Variants in BRPF3 observed in about 807,000 individuals in gnomAD.
BRPF3 encodes the protein bromodomain and PHD finger containing 3, also known as bromodomain and PHD finger-containing protein 3.
BRPF3 carries 18 observed loss-of-function variants against 102.0 expected under a neutral mutation model. The ratio of observed to expected loss-of-function variants is 0.18; its 90% CI spans 0.12 to 0.26. The LOEUF (loss-of-function observed/expected upper bound fraction) is 0.26, where lower values mean the gene tolerates loss of function less well. BRPF3 is among the 10% of genes least tolerant of loss of function. The pLI, the probability that BRPF3 is intolerant of heterozygous loss-of-function variation, is 1.00. For synonymous variants in BRPF3, 570 were observed against 614.2 expected, an observed-to-expected ratio of 0.93 and a Z score of 1.06; for missense variants, 1,147 against 1,567.8, an observed-to-expected ratio of 0.73 and a Z score of 4.53.
At chr6:36,222,565 T>C (rs558239451) in intron 10 of BRPF3, among the ~76,000 whole-genome samples, 1 of 152,292 alleles carries the variant, frequency 6.6e-6, no homozygotes, top group African/African-American at 2.4e-5. Flanking sequence ...CTGCTAGCAT[T>C]TTCTTTTATA....
chr6:36,217,170 A>C (rs1250701936), intron 8 of BRPF3, among the ~76,000 whole-genome samples: 1 of 152,228 alleles, frequency 6.6e-6, no homozygotes, highest in African/African-American at 2.4e-5. Flanking sequence ...TCTCTCATAC[A>C]TACTGAATAG....
chr6:36,211,121 C>A, intron 6 of BRPF3, 137 bp from the exon 7 acceptor site: 1 of 990,050 alleles, frequency 1.0e-6, no homozygotes, highest in Non-Finnish European at 1.5e-6. Flanking sequence ...AGGGCCAAGG[C>A]CCACAGTGAC....
In BRPF3 at chr6:36,214,983, T is replaced by A. The variant is rs114979986; in HGVS notation, c.2989+597T>A. ...GATAGACTAGAAAGTACATAGGTCC[T>A]GGAGGTGGGAACATGCCTGCATGTC... is the stretch of plus-strand genomic sequence containing the variant. On this transcript the variant is annotated intron_variant, in intron 8 of 12. Transcript: ENST00000357641. 8.1e-3 allele frequency among the ~76,000 whole-genome samples: 1,222 copies of A among 150,104 alleles called. 15 individuals carry two copies. Among genetic ancestry groups the A allele is most frequent in the African/African-American group, 0.028 (1,119 of 40,570 alleles).
In BRPF3 at chr6:36,196,745, T is replaced by G. The variant is rs1020289308; in HGVS notation, c.-252T>G. On this transcript the variant is annotated 5_prime_UTR_variant, in exon 1 of 13. Coordinates refer to ENST00000357641, the MANE Select transcript of BRPF3 (RefSeq NM_015695.3). ...CCTCCCTCCCCTCGGCCGGGCTCCG[T>G]GGCGGCAGCGGCAGCAGCGGCGGCT... 2.6e-5 allele frequency: 4 copies of G among 152,258 alleles called. No homozygotes were observed. The highest frequency in any genetic ancestry group is 5.8e-5 in the Non-Finnish European group (4 of 68,504). The allele number at this position is 152,258 out of a possible 1,614,324, so 9.4% of individuals were successfully genotyped here.
Position 36,231,138 on chromosome 6 carries a change from C to G in BRPF3, c.*529C>G, listed in dbSNP as rs1261826872. On this transcript the variant is annotated 3_prime_UTR_variant, in exon 13 of 13. Transcript: ENST00000357641. Reference sequence around the variant, plus strand: ...TGCACCCATTGCCCAGTCTTGCTTTCTCTTTCCCATATTCCTTTTCTTTTT... The same window carrying G: ...TGCACCCATTGCCCAGTCTTGCTTTGTCTTTCCCATATTCCTTTTCTTTTT... The G allele has an allele frequency of 6.5e-6, 1 of 153,494 alleles. No individual in the cohort carries two copies. Among genetic ancestry groups the G allele is most frequent in the East Asian group, 1.9e-4 (1 of 5,226 alleles). 9.5% of individuals were successfully genotyped at this position (153,494 alleles called of 1,614,324 possible).
chr6:36,201,465 C>A lies in BRPF3; in HGVS notation c.1143C>A (p.Ala381=). The change falls in exon 2 of 13, where the codon GCC becomes GCA. Residue 381 remains alanine, a synonymous_variant. Coordinates refer to ENST00000357641, the MANE Select transcript of BRPF3 (RefSeq NM_015695.3). This position sits in a 1 kb window ranked among gnomAD's most constrained non-coding sequence, Gnocchi z 5.1. The part of the protein sequence containing the change: ...NGTIFTVRKT[A]YCEAHSPPGA... ...CCATCTTTACAGTGCGCAAGACTGC[C>A]TACTGTGAGGCCCACTCGCCACCAG... 6.2e-7 allele frequency: 1 copy of A among 1,614,196 alleles called. No individual in the cohort carries two copies. Among genetic ancestry groups the A allele is most frequent in the Non-Finnish European group, 8.5e-7 (1 of 1,180,048 alleles).
Position 36,200,781 on chromosome 6 carries a change from G to A in BRPF3, c.459G>A (p.Glu153=). ...KPPEDLDAEV[E]YDMDEEDLAW... ...CTGAAGACCTGGATGCAGAGGTAGAGTATGACATGGATGAGGAGGACCTTG... is the reference window on the plus strand; with the variant it reads ...CTGAAGACCTGGATGCAGAGGTAGAATATGACATGGATGAGGAGGACCTTG... Residue 153 remains glutamate (E), a synonymous_variant, in exon 2 of 13, where the codon GAG becomes GAA. Coordinates refer to ENST00000357641, the MANE Select transcript of BRPF3 (RefSeq NM_015695.3). The surrounding 1 kb of genome is among the most constrained non-coding windows in gnomAD (Gnocchi z 5.3). The A allele has an allele frequency of 1.2e-6, 2 of 1,614,178 alleles. No individual in the cohort carries two copies. The highest frequency in any genetic ancestry group is 8.5e-7 in the Non-Finnish European group (1 of 1,180,030).
chr6:36,203,606 G>C (rs1767796294), intron 2 of BRPF3, among the ~76,000 whole-genome samples: 1 of 152,182 alleles, frequency 6.6e-6, no homozygotes, highest in Admixed American at 6.5e-5. Flanking sequence ...CTGTGGAGAG[G>C]AGCAAGGCCT....
At chr6:36,212,346 T>G (rs984648049) in intron 7 of BRPF3, among the ~76,000 whole-genome samples, 1 of 152,074 alleles carries the variant, frequency 6.6e-6, no homozygotes, top group Middle Eastern at 3.2e-3. Flanking sequence ...AGGCTGGAAG[T>G]TACTTCCAAT....
intron 9 of BRPF3, among the ~76,000 whole-genome samples, chr6:36,218,425 G>T (rs1265346063): frequency 1.3e-5 from 2 of 151,278 alleles, no homozygotes; most frequent in African/African-American, 4.9e-5. Flanking sequence ...TGTGGTGTAG[G>T]TGTATGAAAT....
At chr6:36,229,181 C>A in intron 12 of BRPF3, 125 bp downstream of exon 12, 3 of 1,249,630 alleles carry the variant, frequency 2.4e-6, no homozygotes, top group Non-Finnish European at 3.3e-6. Flanking sequence ...CACTTGCCAG[C>A]AACAGGCCTG....
At position 36,230,644 on chromosome 6, in the gene BRPF3, T is replaced by TCCGCTTGCCCTGCCC. The variant is rs1768908908; in HGVS notation, c.*37_*38insGCTTGCCCTGCCCCC. The TCCGCTTGCCCTGCCC allele has an allele frequency of 1.2e-6, 2 of 1,603,032 alleles. No homozygotes were observed. The highest frequency in any genetic ancestry group is 1.7e-6 in the Non-Finnish European group (2 of 1,172,582). On this transcript the variant is annotated 3_prime_UTR_variant, in exon 13 of 13. Transcript: ENST00000357641. This position sits in a 1 kb window ranked among gnomAD's most constrained non-coding sequence, Gnocchi z 5.4. The stretch of plus-strand genomic sequence containing the variant: ...TGGGCCTGCATCCGCTTGCCCTGCC[T>TCCGCTTGCCCTGCCC]CCATCCCGCAGGGCACAGAGAAGCC...
At chr6:36,221,022 A>G (rs1033340134) in intron 9 of BRPF3, among the ~76,000 whole-genome samples, 4 of 152,166 alleles carry the variant, frequency 2.6e-5, no homozygotes, top group Non-Finnish European at 5.9e-5. Context: ...TAGTGAGAAA[A>G]TTTAAAGTTA....
chr6:36,206,545 T>C (rs1351312015), intron 3 of BRPF3, among the ~76,000 whole-genome samples: 1 of 152,238 alleles, frequency 6.6e-6, no homozygotes, highest in Non-Finnish European at 1.5e-5. Flanking sequence ...CCAGCATCTC[T>C]GTTCTGGCCA....
chr6:36,218,234 A>G (rs1768401265), intron 9 of BRPF3, among the ~76,000 whole-genome samples: 1 of 152,054 alleles, frequency 6.6e-6, no homozygotes, highest in Non-Finnish European at 1.5e-5. Flanking sequence ...TGATGCTTAC[A>G]GGGTTTGTGG....
At chr6:36,213,183 A>G (rs1420999767) in intron 7 of BRPF3, among the ~76,000 whole-genome samples, 1 of 152,230 alleles carries the variant, frequency 6.6e-6, no homozygotes, top group Non-Finnish European at 1.5e-5. Context: ...TAACCTATTT[A>G]TTGATTAAGC....
chr6:36,214,520 A>G, intron 8 of BRPF3, 134 bp downstream of exon 8: 1 of 1,118,724 alleles, frequency 8.9e-7, no homozygotes, highest in Non-Finnish European at 1.2e-6. Context: ...AGGGCACCAT[A>G]GCTCACAGTT....
At chr6:36,207,823 C>T (rs1767959288) in intron 4 of BRPF3, among the ~76,000 whole-genome samples, 1 of 152,206 alleles carries the variant, frequency 6.6e-6, no homozygotes, top group Non-Finnish European at 1.5e-5. Flanking sequence ...AGGGTTCCCA[C>T]TTGACTCTTA....
At position 36,200,591 on chromosome 6, in the gene BRPF3, C is replaced by T. The variant is rs773175488; in HGVS notation, c.269C>T (p.Ser90Phe). ...NSEQPQFPGK[S>F]KKPSSKGKKK... is the part of the protein sequence containing the mutation. Reference sequence around the variant, plus strand: ...GAACAGCCTCAGTTCCCTGGCAAGTCCAAGAAACCCTCATCCAAGGGCAAA... The same window carrying T: ...GAACAGCCTCAGTTCCCTGGCAAGTTCAAGAAACCCTCATCCAAGGGCAAA... Residue 90 changes from serine to phenylalanine, a missense_variant, in exon 2 of 13, where the codon TCC becomes TTC. This residue lies in a region of BRPF3 where 221 missense variants were observed against 337.1 expected (regional missense o/e 0.66). Coordinates refer to ENST00000357641, the MANE Select transcript of BRPF3 (RefSeq NM_015695.3). The surrounding 1 kb of genome is among the most constrained non-coding windows in gnomAD (Gnocchi z 5.3). 1 of 1,614,182 alleles carries T rather than the reference C, an allele frequency of 6.2e-7. No homozygotes were observed. Among genetic ancestry groups the T allele is most frequent in the Non-Finnish European group, 8.5e-7 (1 of 1,180,050 alleles).
Sources: gnomAD v4.1 joint callset for allele counts (sites outside exome capture counted in the v4.1 genomes callset) on GRCh38, gnomAD v4.1.1 for gene constraint, gnomAD v4.1.1 regional missense constraint, Gnocchi (gnomAD v3.1) non-coding constraint, MANE v1.5 for transcripts, NCBI Gene and HGNC (gene_info 2026-07-23, HGNC 2026-07-21) for gene names.